Variants in UNC13B observed in about 807,000 individuals in gnomAD.
UNC13B encodes protein unc-13 homolog B.
In UNC13B, 144 loss-of-function variants were observed where a neutral mutation model predicts 211.0. The ratio of observed to expected loss-of-function variants is 0.68; its 90% confidence interval spans 0.60 to 0.78. The LOEUF (loss-of-function observed/expected upper bound fraction) is 0.78. Among genes scored for constraint, UNC13B ranks in the 30% least tolerant of loss-of-function variants. The pLI is 0.00. For synonymous variants in UNC13B, 709 were observed against 725.8 expected, an observed-to-expected ratio of 0.98 and a Z score of 0.37; for missense variants, 1,777 against 2,002.0, an observed-to-expected ratio of 0.89 and a Z score of 2.14.
chr9:35,197,064 C>A (rs1226752906), intron 1 of UNC13B, among the ~76,000 whole-genome samples: 1 of 152,110 alleles, frequency 6.6e-6, no homozygotes, highest in Non-Finnish European at 1.5e-5. Flanking sequence ...ACCTACTGAA[C>A]CTGGCCTAAA....
chr9:35,252,696 C>T (rs983045631), intron 6 of UNC13B, among the ~76,000 whole-genome samples: 7 of 151,856 alleles, frequency 4.6e-5, no homozygotes, highest in Non-Finnish European at 1.0e-4. Context: ...TTTGGGAGGC[C>T]GAGACGGGCG....
At chr9:35,279,039 A>C (rs1224106373) in intron 7 of UNC13B, among the ~76,000 whole-genome samples, 1 of 152,224 alleles carries the variant, frequency 6.6e-6, no homozygotes, top group African/African-American at 2.4e-5. Flanking sequence ...CATTTTAAAA[A>C]TTGAGGTGAA....
At chr9:35,374,770 T>C (rs1333947981) in intron 13 of UNC13B, among the ~76,000 whole-genome samples, 1 of 152,232 alleles carries the variant, frequency 6.6e-6, no homozygotes, top group Non-Finnish European at 1.5e-5. Context: ...TTATTCTTAA[T>C]TACCTGTTTC....
chr9:35,164,621 C>CT (rs1820939044), intron 1 of UNC13B, among the ~76,000 whole-genome samples: 1 of 152,226 alleles, frequency 6.6e-6, no homozygotes, highest in South Asian at 2.1e-4. Flanking sequence ...TGACTCCAGA[C>CT]TTGTGGCCTT....
Position 35,397,285 on chromosome 9 carries a change from C to T in UNC13B, c.11651C>T (p.Ala3884Val). ...KLECPDPSIL[A>V]HYMRRFAKTI... ...GAATGCCCAGACCCCAGCATCCTTGCCCACTACATGAGGAGGTTTGCTAAG... is the reference window on the plus strand; with the variant it reads ...GAATGCCCAGACCCCAGCATCCTTGTCCACTACATGAGGAGGTTTGCTAAG... The change falls in exon 29 of 40, where the codon GCC (alanine) becomes GTC (valine). Residue 3884 changes from alanine to valine, a missense_variant. Transcript: ENST00000635942. The T allele has an allele frequency of 6.2e-7, 1 of 1,614,128 alleles. No individual in the cohort carries two copies.
chr9:35,390,770 C>T, intron 26 of UNC13B, 56 bp downstream of exon 26: 1 of 1,511,326 alleles, frequency 6.6e-7, no homozygotes, highest in Non-Finnish European at 9.1e-7. Flanking sequence ...GCTCCTCGTT[C>T]ACTGTCCCTT....
At chr9:35,313,703 G>C (rs776524096) in intron 10 of UNC13B, among the ~76,000 whole-genome samples, 196 bp from the exon 11 acceptor site, 2 of 151,852 alleles carry the variant, frequency 1.3e-5, no homozygotes, top group Non-Finnish European at 2.9e-5. Context: ...AAGCTAAAAG[G>C]AGTTATCGTT....
At chr9:35,332,698 G>A (rs1475261146) in intron 11 of UNC13B, among the ~76,000 whole-genome samples, 2 of 152,084 alleles carry the variant, frequency 1.3e-5, no homozygotes, top group Non-Finnish European at 2.9e-5. Flanking sequence ...AATAGAGCTC[G>A]AGTCATGGCT....
chr9:35,399,068 T>C (rs1194350284), intron 33 of UNC13B, 34 bp downstream of exon 33: 1 of 1,613,378 alleles, frequency 6.2e-7, no homozygotes. Context: ...CCTGTGGGGA[T>C]GAGCAAAGCA....
chr9:35,198,293 GT>G (rs1823058215), intron 1 of UNC13B, among the ~76,000 whole-genome samples: 1 of 152,166 alleles, frequency 6.6e-6, no homozygotes, highest in Non-Finnish European at 1.5e-5. Context: ...CTCTTGAGAT[GT>G]GATTTTTTTA....
In UNC13B at chr9:35,403,196, G is replaced by A. The variant is rs1564203931; in HGVS notation, c.12514G>A (p.Val4172Ile). The A allele has an allele frequency of 1.2e-6, 2 of 1,614,192 alleles. No homozygotes were observed. The highest frequency in any genetic ancestry group is 2.2e-5 in the East Asian group (1 of 44,884). The change falls in exon 38 of 40, where the codon GTC becomes ATC. Residue 4172 changes from valine (V) to isoleucine (I), a missense_variant. Transcript: ENST00000635942. ...TGGTGTGGACGATCCTGTGGGAGAAGTCTCTATTCAGGTGGACTTGTTTAC... is the reference window on the plus strand; with the variant it reads ...TGGTGTGGACGATCCTGTGGGAGAAATCTCTATTCAGGTGGACTTGTTTAC... The part of the protein sequence containing the change: ...GSGVDDPVGE[V>I]SIQVDLFTHP...
In UNC13B at chr9:35,396,560, G is replaced by A. The variant is rs942887031; in HGVS notation, c.11393G>A (p.Arg3798Gln). Reference protein sequence around the residue: ...KVKWLHNEYVRDLPVLQGQVP... With the variant: ...KVKWLHNEYVQDLPVLQGQVP... ...AAGTGGCTCCACAATGAATACGTGC[G>A]GGATCTGCCTGTCCTCCAGGGGCAG... The change falls in exon 27 of 40, where the codon CGG becomes CAG. Residue 3798 changes from arginine (R) to glutamine (Q), a missense_variant. Transcript: ENST00000635942. The A allele has an allele frequency of 2.0e-5, 33 of 1,613,958 alleles. No individual in the cohort carries two copies. The highest frequency in any genetic ancestry group is 2.7e-5 in the African/African-American group (2 of 74,898).
chr9:35,378,408 A>G lies in UNC13B; in HGVS notation c.10177A>G (p.Asn3393Asp). Residue 3393 changes from asparagine (N) to aspartate (D), a missense_variant, in exon 17 of 40, where the codon AAT (asparagine) becomes GAT (aspartate). Coordinates refer to ENST00000635942, the MANE Select transcript of UNC13B (RefSeq NM_001371189.2). Reference protein sequence around the residue: ...KRTKTIFGNLNPVWEEKFHFE... With the variant: ...KRTKTIFGNLDPVWEEKFHFE... ...TACCAAGACCATTTTTGGAAACTTG[A>G]ATCCTGTTTGGGAGGAGAAGTTCCA... The G allele has an allele frequency of 1.2e-6, 2 of 1,614,144 alleles. No individual in the cohort carries two copies. Among genetic ancestry groups the G allele is most frequent in the Non-Finnish European group, 1.7e-6 (2 of 1,180,026 alleles).
Position 35,397,009 on chromosome 9 carries a change from T to C in UNC13B, c.11532+72T>C, listed in dbSNP as rs1227940232. 1.9e-6 allele frequency: 3 copies of C among 1,607,598 alleles called. No individual in the cohort carries two copies. The East Asian group carries it at 6.7e-5, about 36-fold the overall frequency. On this transcript the variant is annotated intron_variant, in intron 28 of 39. Coordinates refer to ENST00000635942, the MANE Select transcript of UNC13B (RefSeq NM_001371189.2). ...GCAATTAGCTATTGGCAGAAGTTCC[T>C]GGGCTTTGGCCAGGATGGCTATGCC... is the stretch of plus-strand genomic sequence containing the variant.
intron 26 of UNC13B, among the ~76,000 whole-genome samples, chr9:35,391,255 C>G (rs1325291637): frequency 1.3e-5 from 2 of 152,162 alleles, no homozygotes; most frequent in South Asian, 4.2e-4. Flanking sequence ...TTCTTTTATT[C>G]ATTTCCTACC....
chr9:35,381,294 G>A, intron 19 of UNC13B, 79 bp downstream of exon 19: 1 of 1,290,724 alleles, frequency 7.7e-7, no homozygotes, highest in Non-Finnish European at 1.1e-6. Context: ...ATTGCTAGGT[G>A]GTTGGAATCC....
intron 11 of UNC13B, chr9:35,352,040 G>T: frequency 1.5e-5 from 18 of 1,232,214 alleles, no homozygotes; most frequent in South Asian, 4.1e-5. Context: ...CCAAGTCCAG[G>T]GTTCCGTGGA....
intron 1 of UNC13B, among the ~76,000 whole-genome samples, chr9:35,185,734 A>C (rs1822321384): frequency 6.6e-6 from 1 of 151,764 alleles, no homozygotes; most frequent in Non-Finnish European, 1.5e-5. Flanking sequence ...AGTCTGGCCT[A>C]ACATGATGAA....
chr9:35,260,682 CTT>C lies in UNC13B; in HGVS notation c.526+1635_526+1636del, dbSNP rs527991486. Among the ~76,000 whole-genome samples, 15 of 152,062 alleles carry C rather than the reference CTT, an allele frequency of 9.9e-5. No homozygotes were observed. In the South Asian group the frequency reaches 3.1e-3, roughly 32 times the overall value. ...TATTTTTCATATGATTTATTACTAACTTTTGTTTTTTGCTGTTTAGGACCGAA... is the reference window on the plus strand; with the variant it reads ...TATTTTTCATATGATTTATTACTAACTTGTTTTTTGCTGTTTAGGACCGAA... On this transcript the variant is annotated intron_variant, in intron 7 of 39. Transcript: ENST00000635942.
Sources: gnomAD v4.1 joint callset for allele counts (sites outside exome capture counted in the v4.1 genomes callset) on GRCh38, gnomAD v4.1.1 for gene constraint, MANE v1.5 for transcripts, NCBI Gene and HGNC (gene_info 2026-07-23, HGNC 2026-07-21) for gene names.